The following GAS7 variants were observed in gnomAD, a reference collection of about 807,000 sequenced individuals.
GAS7 encodes the protein growth arrest specific 7.
GAS7 carries 28 observed loss-of-function variants against 71.1 expected under a neutral mutation model. The ratio of observed to expected loss-of-function variants is 0.39; its 90% CI spans 0.29 to 0.54. GAS7 has a LOEUF of 0.54. GAS7 is among the 20% of genes least tolerant of loss of function. The probability of loss-of-function intolerance (pLI) is 0.62; values close to 1 mark genes in which losing one functional copy is unlikely to be tolerated. For synonymous variants in GAS7, 258 were observed against 245.8 expected, an observed-to-expected ratio of 1.05 and a Z score of -0.46; for missense variants, 436 against 627.8, an observed-to-expected ratio of 0.69 and a Z score of 3.27.
At chr17:10,156,115 C>A (rs2904906) in intron 1 of GAS7, among the ~76,000 whole-genome samples, 3 of 152,154 alleles carry the variant, frequency 2.0e-5, no homozygotes, top group African/African-American at 4.8e-5. Flanking sequence ...CTTGCTCCAC[C>A]CATCCTTAGC....
chr17:9,942,273 A>C (rs1241564925), intron 7 of GAS7, among the ~76,000 whole-genome samples: 8 of 152,120 alleles, frequency 5.3e-5, no homozygotes, highest in African/African-American at 1.9e-4. Context: ...AAAAAAAGAA[A>C]TATTTTAAAA....
At chr17:10,175,687 C>T (rs2074369457) in intron 1 of GAS7, among the ~76,000 whole-genome samples, 1 of 152,050 alleles carries the variant, frequency 6.6e-6, no homozygotes, top group Non-Finnish European at 1.5e-5. Flanking sequence ...CTTTGTAGAG[C>T]CAAGGTCTCA....
At chr17:10,119,825 GC>G (rs2073890471) in intron 1 of GAS7, among the ~76,000 whole-genome samples, 1 of 152,166 alleles carries the variant, frequency 6.6e-6, no homozygotes, top group South Asian at 2.1e-4. Flanking sequence ...TCTTCTCCTG[GC>G]AGTGCTGATC....
chr17:9,992,752 C>A (rs1282419471), intron 2 of GAS7, among the ~76,000 whole-genome samples: 15 of 138,964 alleles, frequency 1.1e-4, no homozygotes, highest in South Asian at 2.7e-4. Context: ...TATCCCTCCC[C>A]CCTCCCCCAA....
intron 2 of GAS7, among the ~76,000 whole-genome samples, chr17:9,984,952 G>A (rs2070584380): frequency 6.6e-6 from 1 of 152,122 alleles, no homozygotes; most frequent in African/African-American, 2.4e-5. Flanking sequence ...CTGCCTGGAG[G>A]CCGCACTGTT....
At position 10,026,380 on chromosome 17, in the gene GAS7, A is replaced by C; in HGVS notation, c.184-6483T>G. ...TAACAGCTCTGAAGTTGTCAGCCTA[A>C]CGAGCCACTTTCTGGCAGACCCGTT... On this transcript the variant is annotated intron_variant, in intron 1 of 13. Transcript: ENST00000432992. The surrounding 1 kb of genome is among the most constrained non-coding windows in gnomAD (Gnocchi z 4.5). 2 of 758,466 alleles carry C rather than the reference A, an allele frequency of 2.6e-6. No individual in the cohort carries two copies. The highest frequency in any genetic ancestry group is 3.2e-6 in the Non-Finnish European group (2 of 622,480). 47.0% of individuals were successfully genotyped at this position (758,466 alleles called of 1,614,324 possible).
chr17:10,157,507 A>C (rs2074214438), intron 1 of GAS7, among the ~76,000 whole-genome samples: 1 of 152,222 alleles, frequency 6.6e-6, no homozygotes, highest in Admixed American at 6.5e-5. Context: ...AAAAAAAGTT[A>C]CATAACTGGA....
intron 1 of GAS7, among the ~76,000 whole-genome samples, chr17:10,165,981 C>T (rs147585572): frequency 1.1e-4 from 16 of 152,058 alleles, no homozygotes; most frequent in Non-Finnish European, 2.4e-4. Flanking sequence ...GCACCAGGAA[C>T]CCAGGACTCC....
chr17:10,096,799 A>G (rs1432016991), intron 1 of GAS7, among the ~76,000 whole-genome samples: 1 of 152,262 alleles, frequency 6.6e-6, no homozygotes, highest in Admixed American at 6.5e-5. Context: ...ACATCCTGAC[A>G]TCTTTGGATC....
chr17:10,021,783 G>T (rs2152208984), intron 1 of GAS7, among the ~76,000 whole-genome samples: 1 of 152,330 alleles, frequency 6.6e-6, no homozygotes, highest in African/African-American at 2.4e-5. Context: ...AGGATTGGAA[G>T]ATAGCCAAAA....
chr17:10,141,765 C>T (rs879367272), intron 1 of GAS7, among the ~76,000 whole-genome samples: 5 of 152,032 alleles, frequency 3.3e-5, no homozygotes, highest in East Asian at 1.9e-4. Flanking sequence ...TGATAGATAC[C>T]ATACAATGCA....
intron 2 of GAS7, among the ~76,000 whole-genome samples, chr17:9,994,868 C>G (rs1024769796): frequency 2.0e-5 from 3 of 152,196 alleles, no homozygotes; most frequent in South Asian, 2.1e-4. Context: ...AAAGTCTTAT[C>G]TTAAGCCCCT....
intron 1 of GAS7, among the ~76,000 whole-genome samples, chr17:10,098,097 C>T (rs1339089196): frequency 6.6e-6 from 1 of 151,970 alleles, no homozygotes; most frequent in Non-Finnish European, 1.5e-5. Context: ...CCCAAGAGAC[C>T]CTGGGGTGTC....
At chr17:9,988,476 G>C (rs911033905) in intron 2 of GAS7, among the ~76,000 whole-genome samples, 10 of 152,326 alleles carry the variant, frequency 6.6e-5, no homozygotes, top group African/African-American at 2.4e-4. Flanking sequence ...AGTTCACAGA[G>C]ACCTGGTTCC....
chr17:10,046,784 GA>G lies in GAS7; in HGVS notation c.184-26888del, dbSNP rs1325159930. Among the ~76,000 whole-genome samples the G allele has an allele frequency of 7.8e-5, 7 of 89,612 alleles. 1 individual carries two copies. Among genetic ancestry groups the G allele is most frequent in the African/African-American group, 3.0e-4 (5 of 16,874 alleles). The allele number at this position is 89,612 out of a possible 152,430, so 58.8% of individuals were successfully genotyped here. ...GAAAGAAAGAAGAGAAAGAAAGAAA[GA>G]AAGGAAGGAAGGAAGGAAGGAAGGA... is the stretch of plus-strand genomic sequence containing the variant. On this transcript the variant is annotated intron_variant, in intron 1 of 13. Transcript: ENST00000432992.
chr17:10,128,378 T>C (rs1309767193), intron 1 of GAS7, among the ~76,000 whole-genome samples: 3 of 151,854 alleles, frequency 2.0e-5, no homozygotes, highest in Non-Finnish European at 2.9e-5. Flanking sequence ...TTAGAGGGAG[T>C]GGACGGGAGG....
chr17:10,119,109 C>T (rs971834670), intron 1 of GAS7, among the ~76,000 whole-genome samples: 5 of 152,122 alleles, frequency 3.3e-5, no homozygotes, highest in Admixed American at 2.6e-4. Context: ...CCTGGAGTGA[C>T]GGCTCCAGCA....
At chr17:9,935,080 C>T (rs894998753) in intron 8 of GAS7, among the ~76,000 whole-genome samples, 2 of 152,312 alleles carry the variant, frequency 1.3e-5, no homozygotes, top group African/African-American at 4.8e-5. Context: ...AGGTATCACA[C>T]AGCGCTGCTT....
chr17:9,961,635 G>A (rs112301577), intron 4 of GAS7, among the ~76,000 whole-genome samples: 2 of 152,202 alleles, frequency 1.3e-5, no homozygotes, highest in African/African-American at 4.8e-5. Flanking sequence ...GTGCAAGAGC[G>A]ACTGTCTACT....
Sources: gnomAD v4.1 joint callset for allele counts (sites outside exome capture counted in the v4.1 genomes callset) on GRCh38, gnomAD v4.1.1 for gene constraint, Gnocchi (gnomAD v3.1) non-coding constraint, MANE v1.5 for transcripts, NCBI Gene and HGNC (gene_info 2026-07-23, HGNC 2026-07-21) for gene names.